Variants in PPM1H observed in about 807,000 individuals in gnomAD.
PPM1H encodes protein phosphatase 1H.
A neutral mutation model predicts 54.9 loss-of-function variants in PPM1H; 27 were observed. The observed-to-expected ratio is 0.49, with a 90% CI of 0.36 to 0.68. The LOEUF (loss-of-function observed/expected upper bound fraction) is 0.68. Ranked by LOEUF, PPM1H falls within the 30% of genes least tolerant of loss-of-function variation. The pLI is 0.00. For missense variants in PPM1H, 596 were observed against 667.8 expected (o/e 0.89, Z 1.19); for synonymous variants, 305 against 270.8 (o/e 1.13, Z -1.24).
chr12:62,673,715 CTTTTTTTTTTTTTT>C (rs567775927), intron 8 of PPM1H, among the ~76,000 whole-genome samples: 4 of 41,970 alleles, frequency 9.5e-5, no homozygotes, highest in Non-Finnish European at 1.5e-4. Context: ...AAGAGCCACT[CTTTTTTTTTTTTTT>C]TTTTTTTTTT....
At chr12:62,797,592 G>A (rs1048676402) in intron 3 of PPM1H, among the ~76,000 whole-genome samples, 1 of 152,112 alleles carries the variant, frequency 6.6e-6, no homozygotes, top group Non-Finnish European at 1.5e-5. Context: ...ACACCGTGGC[G>A]CTTGTGGGCA....
At chr12:62,853,320 G>A (rs891986156) in intron 1 of PPM1H, among the ~76,000 whole-genome samples, 8 of 152,184 alleles carry the variant, frequency 5.3e-5, no homozygotes, top group Admixed American at 3.9e-4. Context: ...TCAGGTACAC[G>A]TTAAATTATT....
chr12:62,804,538 T>A (rs907919939), intron 2 of PPM1H, among the ~76,000 whole-genome samples: 17 of 151,854 alleles, frequency 1.1e-4, no homozygotes, highest in South Asian at 4.2e-4. Context: ...TTAAAAAAAA[T>A]TTTTTTTGGT....
intron 5 of PPM1H, among the ~76,000 whole-genome samples, chr12:62,735,131 G>A (rs1265491650): frequency 6.6e-6 from 1 of 152,200 alleles, no homozygotes; most frequent in East Asian, 1.9e-4. Flanking sequence ...GCTGTGAAAT[G>A]TTTGGGCGGA....
chr12:62,865,498 T>C (rs1477190952), intron 1 of PPM1H, among the ~76,000 whole-genome samples: 1 of 152,194 alleles, frequency 6.6e-6, no homozygotes, highest in Non-Finnish European at 1.5e-5. Context: ...GAATTCCAAC[T>C]GTATTCTCTC....
intron 4 of PPM1H, among the ~76,000 whole-genome samples, chr12:62,741,744 T>C (rs2076382005): frequency 6.6e-6 from 1 of 152,082 alleles, no homozygotes; most frequent in Non-Finnish European, 1.5e-5. Flanking sequence ...GCAGAGTCTA[T>C]GTTGTTGTCT....
At chr12:62,923,118 T>C (rs1871854166) in intron 1 of PPM1H, among the ~76,000 whole-genome samples, 1 of 152,202 alleles carries the variant, frequency 6.6e-6, no homozygotes, top group Non-Finnish European at 1.5e-5. Flanking sequence ...TTGCTGCTGT[T>C]TTTCTCAACT....
At chr12:62,731,924 G>A (rs2076323192) in intron 5 of PPM1H, among the ~76,000 whole-genome samples, 1 of 152,144 alleles carries the variant, frequency 6.6e-6, no homozygotes, top group South Asian at 2.1e-4. Context: ...TGAGGCCACA[G>A]TATCAGAACA....
intron 5 of PPM1H, among the ~76,000 whole-genome samples, chr12:62,729,883 C>T (rs1478689432): frequency 6.6e-6 from 1 of 152,180 alleles, no homozygotes; most frequent in Non-Finnish European, 1.5e-5. Context: ...GCCATCATAT[C>T]CCCTGTGACC....
Position 62,834,681 on chromosome 12 carries a change from G to T in PPM1H, c.246-2402C>A, listed in dbSNP as rs571290922. Among the ~76,000 whole-genome samples, 3 of 152,218 alleles carry T rather than the reference G, an allele frequency of 2.0e-5. No homozygotes were observed. In the South Asian group the frequency reaches 6.2e-4, roughly 32 times the overall value. ...TGGCTCAGATCTGCCTGTCCCTAGA[G>T]AAGCTCATGCTATCCAGGCCAAGTC... On this transcript the variant is annotated intron_variant, in intron 1 of 9. Coordinates refer to ENST00000228705, the MANE Select transcript of PPM1H (RefSeq NM_020700.2).
intron 9 of PPM1H, chr12:62,659,268 G>GTAAA (rs2075866824): frequency 7.1e-5 from 1 of 14,046 alleles, no homozygotes; most frequent in South Asian, 1.7e-3. Flanking sequence ...CGTAAAAACT[G>GTAAA]CAAAAAAAAA....
chr12:62,933,544 C>T (rs527282665), intron 1 of PPM1H, among the ~76,000 whole-genome samples: 27 of 152,210 alleles, frequency 1.8e-4, no homozygotes, highest in Non-Finnish European at 3.4e-4. Flanking sequence ...TGCACTTTTG[C>T]ACTCCCTGGT....
Position 62,844,855 on chromosome 12 carries a change from T to C in PPM1H, c.246-12576A>G, listed in dbSNP as rs914919335. 6.6e-6 allele frequency among the ~76,000 whole-genome samples: 1 copy of C among 152,268 alleles called. No individual in the cohort carries two copies. Among genetic ancestry groups the C allele is most frequent in the Non-Finnish European group, 1.5e-5 (1 of 68,044 alleles). On this transcript the variant is annotated intron_variant, in intron 1 of 9. Transcript: ENST00000228705. This position sits in a 1 kb window ranked among gnomAD's most constrained non-coding sequence, Gnocchi z 5.2. ...TATATATTTCTTAAAGCTTACAATA[T>C]TTGGAGTTTCTCCTCATTTGATTTC...
intron 6 of PPM1H, among the ~76,000 whole-genome samples, chr12:62,696,828 G>A (rs2076117407): frequency 6.6e-6 from 1 of 152,168 alleles, no homozygotes. Context: ...AAGGTGGAGT[G>A]GCCTTAAAAC....
intron 1 of PPM1H, chr12:62,933,788 G>A (rs1448967133): frequency 6.6e-6 from 1 of 152,070 alleles, no homozygotes; most frequent in Non-Finnish European, 1.5e-5. Context: ...TGAAATAGCT[G>A]ATCAGTCAAA....
chr12:62,833,425 G>A (rs1868410174), intron 1 of PPM1H, among the ~76,000 whole-genome samples: 2 of 152,142 alleles, frequency 1.3e-5, no homozygotes, highest in Admixed American at 6.5e-5. Context: ...AGAGTCCCAT[G>A]TAGCTTTTGA....
At chr12:62,671,462 C>A (rs1435101790) in intron 8 of PPM1H, among the ~76,000 whole-genome samples, 1 of 152,172 alleles carries the variant, frequency 6.6e-6, no homozygotes, top group African/African-American at 2.4e-5. Context: ...CTTCAGTACG[C>A]TTTTATTGCA....
chr12:62,893,661 T>C (rs1395330731), intron 1 of PPM1H, among the ~76,000 whole-genome samples: 2 of 151,964 alleles, frequency 1.3e-5, no homozygotes, highest in Non-Finnish European at 2.9e-5. Flanking sequence ...GTGGTTTTTC[T>C]TTTTCAGGTA....
At chr12:62,747,798 G>C (rs560948096) in intron 4 of PPM1H, among the ~76,000 whole-genome samples, 1 of 152,206 alleles carries the variant, frequency 6.6e-6, no homozygotes, top group Non-Finnish European at 1.5e-5. Flanking sequence ...AATAGGCATA[G>C]AGCTTTTCAG....
Sources: allele counts gnomAD v4.1 joint callset (sites outside exome capture counted in the v4.1 genomes callset), GRCh38; gene constraint gnomAD v4.1.1; non-coding constraint Gnocchi (gnomAD v3.1); transcripts MANE v1.5; gene names NCBI Gene and HGNC (gene_info 2026-07-23, HGNC 2026-07-21).